Variants in SGCZ observed in about 807,000 individuals in gnomAD.
SGCZ encodes zeta-sarcoglycan.
A neutral mutation model predicts 41.3 loss-of-function variants in SGCZ; 40 were observed. That is an observed-to-expected ratio of 0.97 (90% confidence interval 0.75 to 1.26). The LOEUF is 1.26. Among genes scored for constraint, SGCZ ranks in the 50% most tolerant of loss-of-function variants. The pLI is 0.00. For missense variants in SGCZ, 552 were observed against 369.8 expected (o/e 1.49, Z -4.04); for synonymous variants, 206 against 137.5 (o/e 1.50, Z -3.49).
intron 1 of SGCZ, among the ~76,000 whole-genome samples, chr8:14,795,746 T>C (rs759738895): frequency 1.3e-5 from 2 of 152,170 alleles, no homozygotes; most frequent in East Asian, 3.8e-4. Context: ...TCATGGAGGT[T>C]TGTTGTACAG....
chr8:15,152,223 G>C (rs1156243930), intron 1 of SGCZ, among the ~76,000 whole-genome samples: 1 of 152,120 alleles, frequency 6.6e-6, no homozygotes, highest in African/African-American at 2.4e-5. Context: ...CAGGAAACAG[G>C]TTCCTTTACT....
chr8:15,063,868 T>C (rs1431511757), intron 1 of SGCZ, among the ~76,000 whole-genome samples: 4 of 152,208 alleles, frequency 2.6e-5, no homozygotes, highest in African/African-American at 7.2e-5. Context: ...GCTTCATTTT[T>C]CTTAGGTCAT....
chr8:14,584,562 G>C (rs1804999707), intron 1 of SGCZ, among the ~76,000 whole-genome samples: 1 of 152,070 alleles, frequency 6.6e-6, no homozygotes, highest in Non-Finnish European at 1.5e-5. Flanking sequence ...GAGGAAACAA[G>C]GTAATTACAA....
intron 1 of SGCZ, among the ~76,000 whole-genome samples, chr8:14,592,794 A>T (rs1805281601): frequency 1.3e-5 from 2 of 152,204 alleles, no homozygotes; most frequent in South Asian, 4.1e-4. Flanking sequence ...TTGCAAAACT[A>T]CTGAAGGAAA....
intron 1 of SGCZ, among the ~76,000 whole-genome samples, chr8:14,896,007 C>T (rs2130750861): frequency 6.6e-6 from 1 of 152,310 alleles, no homozygotes; most frequent in East Asian, 1.9e-4. Flanking sequence ...GCAAACCATT[C>T]CCTCAGTCCA....
intron 2 of SGCZ, among the ~76,000 whole-genome samples, chr8:14,402,485 C>A (rs1799105443): frequency 6.6e-6 from 1 of 151,046 alleles, no homozygotes; most frequent in African/African-American, 2.5e-5. Context: ...AGGAAGGGAT[C>A]CAGTTTCAGC....
intron 2 of SGCZ, among the ~76,000 whole-genome samples, chr8:14,393,472 C>T (rs536355707): frequency 7.6e-4 from 115 of 152,238 alleles, no homozygotes; most frequent in Admixed American, 2.4e-3. Context: ...AATAAGATTA[C>T]GGTGGGGCGA....
At chr8:15,208,054 G>GTTTTCC (rs1801126095) in intron 1 of SGCZ, among the ~76,000 whole-genome samples, 4 of 152,232 alleles carry the variant, frequency 2.6e-5, no homozygotes, top group South Asian at 4.1e-4. Context: ...AGTTTTATGT[G>GTTTTCC]TCTACTAAAT....
At chr8:14,442,772 C>T (rs1027881010) in intron 2 of SGCZ, among the ~76,000 whole-genome samples, 5 of 152,188 alleles carry the variant, frequency 3.3e-5, no homozygotes, top group African/African-American at 1.2e-4. Flanking sequence ...GCTCTTCATT[C>T]AAAGCCACTG....
chr8:14,754,114 G>A (rs574417903), intron 1 of SGCZ, among the ~76,000 whole-genome samples: 1 of 152,226 alleles, frequency 6.6e-6, no homozygotes, highest in East Asian at 1.9e-4. Flanking sequence ...AGACAAATTT[G>A]ACTTTCAGCT....
At chr8:14,928,557 G>A (rs992267645) in intron 1 of SGCZ, among the ~76,000 whole-genome samples, 6 of 152,094 alleles carry the variant, frequency 3.9e-5, no homozygotes, top group Admixed American at 2.0e-4. Flanking sequence ...CTTTAAACGT[G>A]GTGCTAATTA....
intron 2 of SGCZ, among the ~76,000 whole-genome samples, chr8:14,483,225 T>G (rs1801582605): frequency 6.6e-6 from 1 of 152,126 alleles, no homozygotes; most frequent in Non-Finnish European, 1.5e-5. Flanking sequence ...TAAAACAAAA[T>G]CTTATTTTAA....
chr8:15,003,047 C>T (rs189313485), intron 1 of SGCZ, among the ~76,000 whole-genome samples: 18 of 152,120 alleles, frequency 1.2e-4, no homozygotes, highest in Admixed American at 6.5e-4. Context: ...CACTTTTCGC[C>T]GTGATTGTGA....
chr8:14,958,027 C>T (rs1800846751), intron 1 of SGCZ, among the ~76,000 whole-genome samples: 1 of 151,980 alleles, frequency 6.6e-6, no homozygotes, highest in Non-Finnish European at 1.5e-5. Context: ...TAAAAAGTCA[C>T]AAAAGTGAAT....
chr8:15,095,707 G>A (rs1585557176), intron 1 of SGCZ, among the ~76,000 whole-genome samples: 1 of 152,130 alleles, frequency 6.6e-6, no homozygotes, highest in Non-Finnish European at 1.5e-5. Flanking sequence ...CACACCTGAA[G>A]GGACCAAGCA....
intron 1 of SGCZ, among the ~76,000 whole-genome samples, chr8:14,587,389 A>AAAG (rs201884823): frequency 6.7e-6 from 1 of 148,456 alleles, no homozygotes; most frequent in Non-Finnish European, 1.5e-5. Context: ...AAAAAAAAAA[A>AAAG]GTTTGGGTGT....
chr8:14,882,446 T>A (rs902002940), intron 1 of SGCZ, among the ~76,000 whole-genome samples: 1 of 152,356 alleles, frequency 6.6e-6, no homozygotes, highest in Non-Finnish European at 1.5e-5. Flanking sequence ...TATAAAATTA[T>A]TTTCCTTCTA....
At chr8:14,779,118 C>G (rs978016139) in intron 1 of SGCZ, among the ~76,000 whole-genome samples, 1 of 152,158 alleles carries the variant, frequency 6.6e-6, no homozygotes, top group African/African-American at 2.4e-5. Context: ...AACATAGTCC[C>G]GTGATCCTTG....
intron 2 of SGCZ, among the ~76,000 whole-genome samples, chr8:14,345,796 T>A (rs1802873359): frequency 6.6e-6 from 1 of 152,144 alleles, no homozygotes; most frequent in Non-Finnish European, 1.5e-5. Context: ...TCCTAGATCA[T>A]GATTCTAGAC....
Sources: allele counts gnomAD v4.1 joint callset (sites outside exome capture counted in the v4.1 genomes callset), GRCh38; gene constraint gnomAD v4.1.1; transcripts MANE v1.5; gene names NCBI Gene and HGNC (gene_info 2026-07-23, HGNC 2026-07-21).